ARHGAP33: variants seen among roughly 807,000 people sequenced by gnomAD.
ARHGAP33 encodes the protein rho GTPase-activating protein 33.
ARHGAP33 carries 57 observed loss-of-function variants against 126.2 expected under a neutral mutation model. The ratio of observed to expected loss-of-function variants is 0.45; its 90% CI spans 0.36 to 0.56. The LOEUF (loss-of-function observed/expected upper bound fraction) is 0.56. ARHGAP33 is among the 20% of genes least tolerant of loss of function. ARHGAP33 has a pLI of 0.00. For missense variants in ARHGAP33, 1,500 were observed against 1,748.3 expected, an observed-to-expected ratio of 0.86 and a Z score of 2.53; for synonymous variants, 711 against 755.0, an observed-to-expected ratio of 0.94 and a Z score of 0.95.
At chr19:35,776,610 C>A (rs376547450) in intron 1 of ARHGAP33, among the ~76,000 whole-genome samples, 1 of 152,214 alleles carries the variant, frequency 6.6e-6, no homozygotes, top group African/African-American at 2.4e-5. Flanking sequence ...CTGCTGCGCG[C>A]GACTGGGCTG....
rs1971883219 is a variant in ARHGAP33 at position 35,782,963 on chromosome 19, CGT to C, written c.1421+97_1421+98del. ...TTTTCTTTTGTTTATTCATCGAATA[CGT>C]GTCTATCAAATACCTCCCATGGACC... is the stretch of plus-strand genomic sequence containing the variant. On this transcript the variant is annotated intron_variant, in intron 15 of 20. Transcript: ENST00000007510. This position sits in a 1 kb window ranked among gnomAD's most constrained non-coding sequence, Gnocchi z 4.1. 1.8e-6 allele frequency: 2 copies of C among 1,111,428 alleles called. No homozygotes were observed. The highest frequency in any genetic ancestry group is 4.2e-5 in the Admixed American group (2 of 47,182). The allele number at this position is 1,111,428 out of a possible 1,614,324, so 68.8% of individuals were successfully genotyped here. A position where few individuals can be genotyped will look rare whatever the true frequency, so the allele number is the denominator to read the frequency against.
rs763018405 is a variant in ARHGAP33 at position 35,788,384 on chromosome 19, C to T, written c.3819C>T (p.Pro1273=). 3.2e-6 allele frequency: 5 copies of T among 1,586,072 alleles called. No homozygotes were observed. Among genetic ancestry groups the T allele is most frequent in the Non-Finnish European group, 4.3e-6 (5 of 1,166,922 alleles). The change falls in exon 21 of 21, where the codon CCC becomes CCT. Residue 1273 remains proline, a synonymous_variant. Coordinates refer to ENST00000007510, the MANE Select transcript of ARHGAP33 (RefSeq NM_001366178.1). ...GAGPPPPYPT[P]SWSLHSEGQT... is the part of the protein sequence containing the mutation. ...GTCCCCCACCCCCTTACCCCACTCCCAGCTGGTCCCTCCACTCTGAGGGCC... is the reference window on the plus strand; with the variant it reads ...GTCCCCCACCCCCTTACCCCACTCCTAGCTGGTCCCTCCACTCTGAGGGCC...
At position 35,787,714 on chromosome 19, in the gene ARHGAP33, C is replaced by T; in HGVS notation, c.3149C>T (p.Pro1050Leu). Residue 1050 changes from proline (P) to leucine (L), a missense_variant, in exon 21 of 21, where the codon CCA becomes CTA. Transcript: ENST00000007510. ...CLPPFLGVPK[P>L]GLYPLGPPSF... The stretch of plus-strand genomic sequence containing the variant: ...CCACCCTTCCTCGGGGTCCCCAAGC[C>T]AGGCTTGTACCCCCTGGGCCCCCCA... The T allele has an allele frequency of 6.3e-7, 1 of 1,590,592 alleles. No homozygotes were observed. The highest frequency in any genetic ancestry group is 1.4e-5 in the African/African-American group (1 of 73,374).
intron 3 of ARHGAP33, 54 bp downstream of exon 3, chr19:35,777,962 T>G (rs1350311168): frequency 2.5e-6 from 4 of 1,581,760 alleles, no homozygotes; most frequent in Non-Finnish European, 2.6e-6. Context: ...CTACCCAACC[T>G]TGCAACGATA....
In ARHGAP33 at chr19:35,786,507, C is replaced by T. The variant is rs1262886356; in HGVS notation, c.2037C>T (p.Ser679=). The part of the protein sequence containing the change: ...PAPAGSCESL[S]SSSSSESSSS... Reference sequence around the variant, plus strand: ...CTGCTGGCTCCTGCGAGAGCCTGTCCTCGTCCTCCTCCTCCGAGTCCTCCT... The same window carrying T: ...CTGCTGGCTCCTGCGAGAGCCTGTCTTCGTCCTCCTCCTCCGAGTCCTCCT... The change falls in exon 20 of 21, where the codon TCC becomes TCT. Residue 679 remains serine, a synonymous_variant. Coordinates refer to ENST00000007510, the MANE Select transcript of ARHGAP33 (RefSeq NM_001366178.1). The surrounding 1 kb of genome is among the most constrained non-coding windows in gnomAD (Gnocchi z 7.0). The T allele has an allele frequency of 1.3e-6, 2 of 1,536,120 alleles. No individual in the cohort carries two copies. Among genetic ancestry groups the T allele is most frequent in the East Asian group, 2.4e-5 (1 of 40,908 alleles).
chr19:35,784,986 C>G lies in ARHGAP33; in HGVS notation c.1601C>G (p.Ala534Gly). ...CTGCTCCCCAGGCCCAAGTCCCTTG[C>G]GGGCAGCTGCCCCTCCACCCGCCTG... ...RCLLPRPKSL[A>G]GSCPSTRLLT... is the part of the protein sequence containing the mutation. Residue 534 changes from alanine to glycine, a missense_variant, in exon 17 of 21, where the codon GCG becomes GGG. By Grantham distance (60) the Ala-to-Gly change is moderately conservative. Around this residue, in one of 6 missense-constraint regions of ARHGAP33, gnomAD observed 300 missense variants for 291.1 expected, o/e 1.03. Coordinates refer to ENST00000007510, the MANE Select transcript of ARHGAP33 (RefSeq NM_001366178.1). 6.5e-7 allele frequency: 1 copy of G among 1,545,504 alleles called. No homozygotes were observed. Among genetic ancestry groups the G allele is most frequent in the Non-Finnish European group, 8.7e-7 (1 of 1,146,716 alleles).
At chr19:35,777,485 C>G (rs1971515582) in intron 1 of ARHGAP33, 160 bp from the exon 2 acceptor site, 1 of 651,222 alleles carries the variant, frequency 1.5e-6, no homozygotes, top group Non-Finnish European at 2.8e-6. Context: ...GCAGTCCTGT[C>G]CTCAGCCCAG....
At chr19:35,777,622 C>G in intron 1 of ARHGAP33, 23 bp from the exon 2 acceptor site, 4 of 1,550,490 alleles carry the variant, frequency 2.6e-6, no homozygotes, top group Non-Finnish European at 3.5e-6. Flanking sequence ...CTCTGGGGGC[C>G]TCTGATTCTT....
At position 35,787,006 on chromosome 19, in the gene ARHGAP33, G is replaced by A; in HGVS notation, c.2536G>A (p.Ala846Thr). 1 of 1,609,900 alleles carries A rather than the reference G, an allele frequency of 6.2e-7. No individual in the cohort carries two copies. The highest frequency in any genetic ancestry group is 8.5e-7 in the Non-Finnish European group (1 of 1,178,386). ...ACCCCTGCTGCTGCGAGGAGCCGAG[G>A]CCCCGCTGACTGACGCCTGCCAGCA... Reference protein sequence around the residue: ...LIPLLLRGAEAPLTDACQQEM... With the variant: ...LIPLLLRGAETPLTDACQQEM... Residue 846 changes from alanine to threonine, a missense_variant, in exon 20 of 21, where the codon GCC becomes ACC. This residue lies in a region of ARHGAP33 where 642 missense variants were observed against 634.0 expected (regional missense o/e 1.01). Coordinates refer to ENST00000007510, the MANE Select transcript of ARHGAP33 (RefSeq NM_001366178.1).
In ARHGAP33 at chr19:35,784,968, C is replaced by G; in HGVS notation, c.1583C>G (p.Pro528Arg). The change falls in exon 17 of 21, where the codon CCC becomes CGC. Residue 528 changes from proline (P) to arginine (R), a missense_variant. By Grantham distance (103) the Pro-to-Arg change is moderately radical. Coordinates refer to ENST00000007510, the MANE Select transcript of ARHGAP33 (RefSeq NM_001366178.1). ...GLDPAGRCLL[P>R]RPKSLAGSCP... is the part of the protein sequence containing the mutation. Reference sequence around the variant, plus strand: ...CACTCCCCAGGCCGCTGCCTGCTCCCCAGGCCCAAGTCCCTTGCGGGCAGC... The same window carrying G: ...CACTCCCCAGGCCGCTGCCTGCTCCGCAGGCCCAAGTCCCTTGCGGGCAGC... 1.3e-6 allele frequency: 2 copies of G among 1,543,194 alleles called. No homozygotes were observed. Among genetic ancestry groups the G allele is most frequent in the South Asian group, 2.4e-5 (2 of 83,912 alleles).
At position 35,787,058 on chromosome 19, in the gene ARHGAP33, C is replaced by G; in HGVS notation, c.2588C>G (p.Ala863Gly). 1 of 1,603,576 alleles carries G rather than the reference C, an allele frequency of 6.2e-7. No homozygotes were observed. Among genetic ancestry groups the G allele is most frequent in the African/African-American group, 1.3e-5 (1 of 74,778 alleles). The change falls in exon 20 of 21, where the codon GCC (alanine) becomes GGC (glycine). Residue 863 changes from alanine (A) to glycine (G), a missense_variant. Ala to Gly is a moderately conservative substitution (Grantham distance 60). Transcript: ENST00000007510. ...GAGATGTGCAGCAAGCTCCGGGGAG[C>G]CCAGGGCCCACTCGGTGAGTCCTCA... ...QQEMCSKLRG[A>G]QGPLGPDMES...
chr19:35,786,398 A>AC lies in ARHGAP33; in HGVS notation c.1943-11dup. The AC allele has an allele frequency of 6.6e-7, 1 of 1,521,096 alleles. No homozygotes were observed. Among genetic ancestry groups the AC allele is most frequent in the Non-Finnish European group, 8.8e-7 (1 of 1,138,598 alleles). 94.2% of individuals were successfully genotyped at this position (1,521,096 alleles called of 1,614,324 possible). A position where few individuals can be genotyped will look rare whatever the true frequency, so the allele number is the denominator to read the frequency against. The stretch of plus-strand genomic sequence containing the variant: ...CCTGTTCTCAGGGATGGTCTCACTG[A>AC]CCCCACCCCTCCAGGCCTCCAGAGG... On this transcript the variant is annotated splice_polypyrimidine_tract_variant and intron_variant, in intron 19 of 20. Transcript: ENST00000007510. This position sits in a 1 kb window ranked among gnomAD's most constrained non-coding sequence, Gnocchi z 7.0.
At position 35,777,736 on chromosome 19, in the gene ARHGAP33, G is replaced by A. The variant is rs1276113162; in HGVS notation, c.98G>A (p.Gly33Glu). ...AGGPSVKGKP[G>E]KRLSAPRGPF... ...GGGCCCAGTGTGAAGGGGAAGCCTG[G>A]GAAGAGGTGAGGGTGAGGGAGGAAA... Residue 33 changes from glycine (G) to glutamate (E), a missense_variant, in exon 2 of 21, where the codon GGG (glycine) becomes GAG (glutamate). Coordinates refer to ENST00000007510, the MANE Select transcript of ARHGAP33 (RefSeq NM_001366178.1). The A allele has an allele frequency of 1.2e-6, 2 of 1,612,526 alleles. No individual in the cohort carries two copies. Among genetic ancestry groups the A allele is most frequent in the East Asian group, 2.2e-5 (1 of 44,846 alleles).
In ARHGAP33 at chr19:35,784,214, G is replaced by A. The variant is rs564293314; in HGVS notation, c.1464G>A (p.Ala488=). ...LESVGMGGAA[A]FREVRVQSVV... is the part of the protein sequence containing the mutation. Reference sequence around the variant, plus strand: ...CAGTGGGAATGGGTGGCGCGGCGGCGTTCCGGGAAGTTCGGGTGCAGTCGG... The same window carrying A: ...CAGTGGGAATGGGTGGCGCGGCGGCATTCCGGGAAGTTCGGGTGCAGTCGG... The change falls in exon 16 of 21, where the codon GCG becomes GCA. Residue 488 remains alanine, a synonymous_variant. Transcript: ENST00000007510. 6.8e-6 allele frequency: 11 copies of A among 1,611,980 alleles called. No individual in the cohort carries two copies. The East Asian group carries it at 9.0e-5, about 13-fold the overall frequency.
intron 19 of ARHGAP33, chr19:35,785,737 A>T (rs940779933): frequency 1.5e-6 from 2 of 1,344,010 alleles, no homozygotes; most frequent in African/African-American, 1.5e-5. Flanking sequence ...TGAACATTTT[A>T]AAATAATATC....
Position 35,787,706 on chromosome 19 carries a change from C to A in ARHGAP33, c.3141C>A (p.Val1047=). The part of the protein sequence containing the change: ...PRECLPPFLG[V]PKPGLYPLGP... Reference sequence around the variant, plus strand: ...AGTGCCTGCCACCCTTCCTCGGGGTCCCCAAGCCAGGCTTGTACCCCCTGG... The same window carrying A: ...AGTGCCTGCCACCCTTCCTCGGGGTACCCAAGCCAGGCTTGTACCCCCTGG... The change falls in exon 21 of 21, where the codon GTC becomes GTA. Residue 1047 remains valine, a synonymous_variant. Coordinates refer to ENST00000007510, the MANE Select transcript of ARHGAP33 (RefSeq NM_001366178.1). 6.3e-7 allele frequency: 1 copy of A among 1,593,502 alleles called. No individual in the cohort carries two copies. Among genetic ancestry groups the A allele is most frequent in the Non-Finnish European group, 8.5e-7 (1 of 1,174,192 alleles).
intron 12 of ARHGAP33, among the ~76,000 whole-genome samples, 155 bp downstream of exon 12, chr19:35,781,407 C>G (rs1395025989): frequency 6.6e-6 from 1 of 152,174 alleles, no homozygotes; most frequent in Non-Finnish European, 1.5e-5. Context: ...GTAGAGTTAG[C>G]AGTCTAAGCG....
Position 35,785,068 on chromosome 19 carries a change from GC to G in ARHGAP33, c.1686del (p.Thr563GlnfsTer69). Reference protein sequence around the residue: ...TQGRLGTPTEPTTPKAPASPA... With the variant: ...TQGRLGTPTEXTTPKAPASPA... ...AGGGCCGGCTGGGGACGCCCACGGA[GC>G]CCACAACTCCCAAGGCCCCGGCCTC... On this transcript the variant is annotated frameshift_variant, in exon 17 of 21. Transcript: ENST00000007510. LOFTEE classifies it high-confidence loss of function. 1.3e-6 allele frequency: 2 copies of G among 1,566,440 alleles called. No individual in the cohort carries two copies. The highest frequency in any genetic ancestry group is 1.7e-6 in the Non-Finnish European group (2 of 1,155,650).
rs1326070801 is a variant in ARHGAP33, at chr19:35,787,017, T to C, written c.2547T>C (p.Thr849=). ...LLLRGAEAPL[T]DACQQEMCSK... The stretch of plus-strand genomic sequence containing the variant: ...TGCGAGGAGCCGAGGCCCCGCTGAC[T>C]GACGCCTGCCAGCAGGAGATGTGCA... Residue 849 remains threonine, a synonymous_variant, in exon 20 of 21, where the codon ACT becomes ACC. Transcript: ENST00000007510. 1.9e-6 allele frequency: 3 copies of C among 1,609,700 alleles called. No individual in the cohort carries two copies. Among genetic ancestry groups the C allele is most frequent in the Non-Finnish European group, 2.5e-6 (3 of 1,178,154 alleles).
Sources: gnomAD v4.1 joint callset for allele counts (sites outside exome capture counted in the v4.1 genomes callset) on GRCh38, gnomAD v4.1.1 for gene constraint, gnomAD v4.1.1 regional missense constraint, Gnocchi (gnomAD v3.1) non-coding constraint, MANE v1.5 for transcripts, NCBI Gene and HGNC (gene_info 2026-07-23, HGNC 2026-07-21) for gene names.